Variants in ARHGAP17 observed in about 807,000 individuals in gnomAD.
ARHGAP17 encodes the protein Rho GTPase activating protein 17.
A neutral mutation model predicts 99.5 loss-of-function variants in ARHGAP17; 57 were observed. The ratio of observed to expected loss-of-function variants is 0.57; its 90% CI spans 0.46 to 0.71. The LOEUF is 0.71. Among genes scored for constraint, ARHGAP17 ranks in the 30% least tolerant of loss-of-function variants. The pLI is 0.00. For missense variants in ARHGAP17, 1,000 were observed against 1,122.4 expected, an observed-to-expected ratio of 0.89 and a Z score of 1.56; for synonymous variants, 417 against 429.6, an observed-to-expected ratio of 0.97 and a Z score of 0.36.
In ARHGAP17 at chr16:24,950,202, T is replaced by C. The variant is rs993834933; in HGVS notation, c.1047-718A>G. ...TAATTACACTTTAGAGGCCAGTCGA[T>C]GTGTTACTGGGATGGAAGCCCACCC... On this transcript the variant is annotated intron_variant, in intron 12 of 19. Coordinates refer to ENST00000289968, the MANE Select transcript of ARHGAP17 (RefSeq NM_001006634.3). Among the ~76,000 whole-genome samples the C allele has an allele frequency of 2.0e-5, 3 of 152,210 alleles. No individual in the cohort carries two copies. In the East Asian group the frequency reaches 5.8e-4, roughly 29 times the overall value.
intron 14 of ARHGAP17, among the ~76,000 whole-genome samples, chr16:24,945,378 T>C (rs183558875): frequency 6.6e-6 from 1 of 151,652 alleles, no homozygotes; most frequent in Admixed American, 6.6e-5. Context: ...GTAAGAGTTA[T>C]TATCACTGCT....
intron 1 of ARHGAP17, among the ~76,000 whole-genome samples, chr16:24,991,623 G>A (rs2053046310): frequency 1.3e-5 from 2 of 152,164 alleles, no homozygotes; most frequent in African/African-American, 2.4e-5. Flanking sequence ...CAGAGTACGT[G>A]GAGAGTTAGT....
chr16:24,980,948 A>G (rs1015831580), intron 1 of ARHGAP17, among the ~76,000 whole-genome samples: 1 of 152,228 alleles, frequency 6.6e-6, no homozygotes, highest in African/African-American at 2.4e-5. Flanking sequence ...CACAAGTTCA[A>G]AAAAAGAGAT....
At chr16:24,974,515 G>A (rs985657086) in intron 3 of ARHGAP17, among the ~76,000 whole-genome samples, 9 of 152,106 alleles carry the variant, frequency 5.9e-5, no homozygotes, top group Non-Finnish European at 1.0e-4. Context: ...TGTGATGACC[G>A]AACTGTCTCT....
intron 1 of ARHGAP17, among the ~76,000 whole-genome samples, chr16:25,003,551 C>T (rs938722902): frequency 6.6e-6 from 1 of 152,026 alleles, no homozygotes; most frequent in African/African-American, 2.4e-5. Flanking sequence ...CAGCTGGGTG[C>T]GGTGGCTCAC....
intron 16 of ARHGAP17, 111 bp from the exon 17 acceptor site, chr16:24,939,708 C>T: frequency 8.5e-7 from 1 of 1,182,660 alleles, no homozygotes; most frequent in African/African-American, 1.5e-5. Context: ...CCCAAGCTGC[C>T]CGGCATGCAG....
chr16:24,956,152 G>C (rs1006057946), intron 9 of ARHGAP17: 1 of 152,254 alleles, frequency 6.6e-6, no homozygotes, highest in Non-Finnish European at 1.5e-5. Flanking sequence ...GAATCACCCA[G>C]GGGGGTTCTG....
chr16:25,002,928 A>G (rs2053402047), intron 1 of ARHGAP17, among the ~76,000 whole-genome samples: 1 of 149,924 alleles, frequency 6.7e-6, no homozygotes, highest in Non-Finnish European at 1.5e-5. Context: ...AATCCCAGCT[A>G]CTCGGGAGGC....
At position 24,941,912 on chromosome 16, in the gene ARHGAP17, C is replaced by T. The variant is rs895528658; in HGVS notation, c.1490+75G>A. 11 of 1,602,636 alleles carry T rather than the reference C, an allele frequency of 6.9e-6. No homozygotes were observed. The African/African-American group carries it at 1.3e-4, about 19-fold the overall frequency. ...GGCGACCACTCTCAAATCCCAAGTC[C>T]ACTGAGCGATACCAGATACCACGGG... On this transcript the variant is annotated intron_variant, in intron 16 of 19. Transcript: ENST00000289968.
intron 19 of ARHGAP17, chr16:24,920,970 C>T (rs2050705883): frequency 6.6e-6 from 1 of 152,208 alleles, no homozygotes; most frequent in Admixed American, 6.5e-5. Flanking sequence ...CCTCGAATGC[C>T]ATTTTCATGT....
In ARHGAP17 at chr16:24,968,544, C is replaced by G. The variant is rs529923399; in HGVS notation, c.384+117G>C. 325 of 1,492,006 alleles carry G rather than the reference C, an allele frequency of 2.2e-4. 1 individual carries two copies. In the East Asian group the frequency reaches 7.2e-3, roughly 33 times the overall value. The allele number at this position is 1,492,006 out of a possible 1,614,324, so 92.4% of individuals were successfully genotyped here. A position where few individuals can be genotyped will look rare whatever the true frequency, so the allele number is the denominator to read the frequency against. On this transcript the variant is annotated intron_variant, in intron 5 of 19. Transcript: ENST00000289968. Reference sequence around the variant, plus strand: ...AGGATTTTGTACCTTCAATTGACTCCCCTTATTTCCAAAAAGAAGTGTATG... The same window carrying G: ...AGGATTTTGTACCTTCAATTGACTCGCCTTATTTCCAAAAAGAAGTGTATG...
At chr16:24,943,130 T>C (rs1391044171) in intron 15 of ARHGAP17, among the ~76,000 whole-genome samples, 1 of 152,204 alleles carries the variant, frequency 6.6e-6, no homozygotes, top group Non-Finnish European at 1.5e-5. Context: ...AAGGGGGCCA[T>C]GGGAACCTCT....
At chr16:25,008,143 A>T (rs1438018401) in intron 1 of ARHGAP17, among the ~76,000 whole-genome samples, 1 of 152,254 alleles carries the variant, frequency 6.6e-6, no homozygotes, top group Non-Finnish European at 1.5e-5. Context: ...TAAAAGTAAG[A>T]CAAGTCCACA....
intron 18 of ARHGAP17, among the ~76,000 whole-genome samples, chr16:24,933,722 G>A (rs1249412201): frequency 6.6e-6 from 1 of 151,954 alleles, no homozygotes; most frequent in Non-Finnish European, 1.5e-5. Flanking sequence ...AGGATGGGGA[G>A]AGGGAGCGTG....
intron 3 of ARHGAP17, among the ~76,000 whole-genome samples, chr16:24,975,939 T>G (rs2052500063): frequency 1.3e-5 from 2 of 152,068 alleles, no homozygotes; most frequent in Non-Finnish European, 2.9e-5. Context: ...CTAGAGTCCA[T>G]CCCTCTTCCT....
rs1486001927 is a variant in ARHGAP17 at position 24,920,359 on chromosome 16, G to A, written c.2516-99C>T. On this transcript the variant is annotated intron_variant, in intron 19 of 19. Transcript: ENST00000289968. ...AAGAAGAGAGGCTGGGAAGTTTCAG[G>A]GTCAGCCCATGCACACAGGGTCCCT... 2.7e-6 allele frequency: 4 copies of A among 1,484,670 alleles called. No individual in the cohort carries two copies. The East Asian group carries it at 9.3e-5, about 34-fold the overall frequency. 92.0% of individuals were successfully genotyped at this position (1,484,670 alleles called of 1,614,324 possible).
chr16:24,953,089 T>A (rs1010080604), intron 10 of ARHGAP17, 47 bp from the exon 11 acceptor site: 6 of 1,548,970 alleles, frequency 3.9e-6, no homozygotes, highest in Middle Eastern at 1.7e-4. Flanking sequence ...GTTGGGACAC[T>A]CAGACTAAGT....
chr16:24,956,296 T>C (rs897052222), intron 9 of ARHGAP17: 1 of 152,240 alleles, frequency 6.6e-6, no homozygotes, highest in Non-Finnish European at 1.5e-5. Context: ...CCTGGTATAA[T>C]GTTGACAGAG....
rs535406111 is a variant in ARHGAP17 at position 24,931,939 on chromosome 16, A to C, written c.1895-535T>G. On this transcript the variant is annotated intron_variant, in intron 18 of 19. Coordinates refer to ENST00000289968, the MANE Select transcript of ARHGAP17 (RefSeq NM_001006634.3). ...AAGGCCAGCCTGAGCAACGTGGCAA[A>C]ACCCCATCTCTACAAAAAACTACAA... 3.9e-5 allele frequency among the ~76,000 whole-genome samples: 6 copies of C among 152,228 alleles called. No homozygotes were observed. In the South Asian group the frequency reaches 1.2e-3, roughly 32 times the overall value.
Sources: gnomAD v4.1 joint callset for allele counts (sites outside exome capture counted in the v4.1 genomes callset) on GRCh38, gnomAD v4.1.1 for gene constraint, MANE v1.5 for transcripts, NCBI Gene and HGNC (gene_info 2026-07-23, HGNC 2026-07-21) for gene names.